NYAP2: variants seen among roughly 807,000 people sequenced by gnomAD.
NYAP2 encodes neuronal tyrosine-phosphorylated phosphoinositide-3-kinase adaptor 2.
NYAP2 carries 23 observed loss-of-function variants against 50.4 expected under a neutral mutation model. The ratio of observed to expected loss-of-function variants is 0.46; its 90% CI spans 0.33 to 0.65. The LOEUF is 0.65. Ranked by LOEUF, NYAP2 falls within the 30% of genes least tolerant of loss-of-function variation. The pLI, the probability that NYAP2 is intolerant of heterozygous loss-of-function variation, is 0.02. For synonymous variants in NYAP2, 394 were observed against 365.2 expected, an observed-to-expected ratio of 1.08 and a Z score of -0.90; for missense variants, 885 against 861.0, an observed-to-expected ratio of 1.03 and a Z score of -0.35.
chr2:225,441,332 G>T (rs977184150), intron 3 of NYAP2, among the ~76,000 whole-genome samples: 1 of 152,106 alleles, frequency 6.6e-6, no homozygotes, highest in South Asian at 2.1e-4. Flanking sequence ...ATTAACAAGG[G>T]CAAAACAATG....
rs183342071 is a variant in NYAP2, at chr2:225,427,125, G to T, written c.221+18024G>T. ...GTTTGAAAACCTCCTAATGACCTCT[G>T]AGCAGAAAAGCTGCCTGTCATCCTT... On this transcript the variant is annotated intron_variant, in intron 3 of 6. Coordinates refer to ENST00000636099, the Ensembl canonical transcript of NYAP2. 2.4e-3 allele frequency among the ~76,000 whole-genome samples: 371 copies of T among 152,268 alleles called. 1 individual carries two copies. Among genetic ancestry groups the T allele is most frequent in the African/African-American group, 8.3e-3 (345 of 41,542 alleles).
chr2:225,612,327 A>G (rs1351428020), intron 5 of NYAP2, among the ~76,000 whole-genome samples: 2 of 151,778 alleles, frequency 1.3e-5, no homozygotes, highest in African/African-American at 2.4e-5. Flanking sequence ...AATAACCCGA[A>G]CAAAACAAAA....
At chr2:225,630,559 C>A (rs985669400) in intron 6 of NYAP2, among the ~76,000 whole-genome samples, 1 of 152,114 alleles carries the variant, frequency 6.6e-6, no homozygotes, top group African/African-American at 2.4e-5. Flanking sequence ...TGTAGAGAAC[C>A]CTTTTTCCCC....
chr2:225,551,334 C>A (rs1691671379), intron 4 of NYAP2, among the ~76,000 whole-genome samples: 1 of 152,188 alleles, frequency 6.6e-6, no homozygotes, highest in Non-Finnish European at 1.5e-5. Flanking sequence ...GAAATGTTTG[C>A]TCTTGGAAGC....
chr2:225,501,293 A>G (rs1354445496), intron 3 of NYAP2, among the ~76,000 whole-genome samples: 1 of 152,226 alleles, frequency 6.6e-6, no homozygotes, highest in Admixed American at 6.5e-5. Context: ...CAAACCAGAG[A>G]GTAGCCTCTT....
chr2:225,475,764 T>G (rs1378302205), intron 3 of NYAP2, among the ~76,000 whole-genome samples: 1 of 152,202 alleles, frequency 6.6e-6, no homozygotes, highest in African/African-American at 2.4e-5. Context: ...GGATATATTT[T>G]CATAATACTG....
intron 4 of NYAP2, among the ~76,000 whole-genome samples, chr2:225,530,951 A>G (rs112739742): frequency 1.2e-4 from 19 of 152,296 alleles, no homozygotes; most frequent in African/African-American, 4.3e-4. Context: ...TCAGGCCATC[A>G]TGTTTCCCAC....
chr2:225,623,134 T>C (rs1693152387), intron 5 of NYAP2, among the ~76,000 whole-genome samples: 1 of 152,180 alleles, frequency 6.6e-6, no homozygotes, highest in Non-Finnish European at 1.5e-5. Flanking sequence ...TGAGACTGTA[T>C]TGGAAGAGAC....
chr2:225,443,421 C>T (rs1412076244), intron 3 of NYAP2, among the ~76,000 whole-genome samples: 4 of 152,090 alleles, frequency 2.6e-5, no homozygotes, highest in South Asian at 2.1e-4. Flanking sequence ...ACCCCAGACA[C>T]GCAGCTCTGG....
intron 3 of NYAP2, among the ~76,000 whole-genome samples, chr2:225,473,795 CAGA>C (rs1372813990): frequency 6.6e-6 from 1 of 152,208 alleles, no homozygotes; most frequent in East Asian, 1.9e-4. Flanking sequence ...TTTTGCTGTG[CAGA>C]AGCTCTTTAG....
chr2:225,637,550 C>T lies in NYAP2; in HGVS notation c.1828+10424C>T, dbSNP rs138305221. Among the ~76,000 whole-genome samples, 641 of 152,276 alleles carry T rather than the reference C, an allele frequency of 4.2e-3. 6 individuals carry two copies. Among genetic ancestry groups the T allele is most frequent in the African/African-American group, 0.014 (572 of 41,540 alleles). ...GGGGAACATTTGCCAGGTTCTGCTG[C>T]CTGGTTCTGTTCACCGTTTTCTCAC... On this transcript the variant is annotated intron_variant, in intron 6 of 6. Coordinates refer to ENST00000636099, the Ensembl canonical transcript of NYAP2.
chr2:225,645,901 T>G (rs56384122), intron 6 of NYAP2, among the ~76,000 whole-genome samples: 86,694 of 151,786 alleles, frequency 0.57, 24,919 homozygotes, highest in Admixed American at 0.68. Context: ...GATGCACAGA[T>G]CCTAAAGGAT....
intron 6 of NYAP2, among the ~76,000 whole-genome samples, chr2:225,637,845 G>A (rs1574723406): frequency 6.6e-6 from 1 of 152,286 alleles, no homozygotes; most frequent in Non-Finnish European, 1.5e-5. Context: ...GTCAAAGCAT[G>A]TCTTTCTAGA....
intron 4 of NYAP2, among the ~76,000 whole-genome samples, chr2:225,524,085 T>C (rs1574657948): frequency 6.6e-6 from 1 of 152,158 alleles, no homozygotes; most frequent in East Asian, 1.9e-4. Flanking sequence ...GGGGAGTTTA[T>C]TAAGGAGTAT....
rs77888453 is a variant in NYAP2, at chr2:225,562,917, A to G, written c.524-19024A>G. On this transcript the variant is annotated intron_variant, in intron 4 of 6. Coordinates refer to ENST00000636099, the Ensembl canonical transcript of NYAP2. ...ACAAGCTGTTGCAGATTATCACATT[A>G]TCATTTGTCCTTCCTATTTGGATAA... Among the ~76,000 whole-genome samples the G allele has an allele frequency of 2.9e-3, 439 of 152,270 alleles. 3 individuals are homozygous for G. The highest frequency in any genetic ancestry group is 0.01 in the African/African-American group (428 of 41,554).
At chr2:225,417,892 A>G (rs999980914) in intron 3 of NYAP2, among the ~76,000 whole-genome samples, 2 of 152,166 alleles carry the variant, frequency 1.3e-5, no homozygotes, top group Non-Finnish European at 2.9e-5. Context: ...GAATACCAAA[A>G]CATGCTTGTC....
At chr2:225,692,573 A>G in the NYAP2 span, among the ~76,000 whole-genome samples, 2 of 152,044 alleles carry the variant, frequency 1.3e-5, no homozygotes, top group African/African-American at 4.8e-5. Flanking sequence ...GTGTAGCAAC[A>G]TGTATTTTTT....
At chr2:225,442,249 GA>G (rs1689483515) in intron 3 of NYAP2, among the ~76,000 whole-genome samples, 1 of 152,034 alleles carries the variant, frequency 6.6e-6, no homozygotes, top group African/African-American at 2.4e-5. Flanking sequence ...AGGCACAAAA[GA>G]AAAAACTGGC....
intron 3 of NYAP2, among the ~76,000 whole-genome samples, chr2:225,484,813 A>C (rs1690261862): frequency 6.6e-6 from 1 of 152,224 alleles, no homozygotes; most frequent in Non-Finnish European, 1.5e-5. Flanking sequence ...GTGGTTTCCA[A>C]AGCGTGGTCT....
Sources: allele counts gnomAD v4.1 joint callset (sites outside exome capture counted in the v4.1 genomes callset), GRCh38; gene constraint gnomAD v4.1.1; transcripts MANE v1.5; gene names NCBI Gene and HGNC (gene_info 2026-07-23, HGNC 2026-07-21).